PDE10A: variants seen among roughly 807,000 people sequenced by gnomAD.
PDE10A encodes cAMP and cAMP-inhibited cGMP 3',5'-cyclic phosphodiesterase 10A.
PDE10A carries 39 observed loss-of-function variants against 97.7 expected under a neutral mutation model. The ratio of observed to expected loss-of-function variants is 0.40; its 90% CI spans 0.31 to 0.52. The LOEUF (loss-of-function observed/expected upper bound fraction) is 0.52. PDE10A is among the 20% of genes least tolerant of loss of function. The probability of loss-of-function intolerance (pLI) is 0.56; values close to 1 mark genes in which losing one functional copy is unlikely to be tolerated. For synonymous variants in PDE10A, 371 were observed against 376.8 expected (o/e 0.98, Z 0.18); for missense variants, 731 against 1,047.8 (o/e 0.70, Z 4.17).
chr6:165,458,685 TCACACA>T (rs374702289), intron 3 of PDE10A, among the ~76,000 whole-genome samples: 33 of 148,026 alleles, frequency 2.2e-4, no homozygotes, highest in African/African-American at 8.5e-4. Flanking sequence ...ACACACACAC[TCACACA>T]CACACACACG....
At chr6:165,950,930 G>A (rs950301040) in intron 1 of PDE10A, among the ~76,000 whole-genome samples, 2 of 152,188 alleles carry the variant, frequency 1.3e-5, no homozygotes, top group Non-Finnish European at 2.9e-5. Context: ...TAAAGAACAT[G>A]TGTCCTCTTT....
chr6:165,735,100 G>A (rs913660481), intron 1 of PDE10A, among the ~76,000 whole-genome samples: 75 of 151,954 alleles, frequency 4.9e-4, no homozygotes, highest in African/African-American at 1.6e-3. Context: ...AGGTAGATAG[G>A]TAGGCAGGTT....
intron 1 of PDE10A, chr6:165,946,672 T>G (rs939668255): frequency 1.3e-5 from 2 of 152,160 alleles, no homozygotes; most frequent in Admixed American, 1.3e-4. Flanking sequence ...CAAAACATCA[T>G]GTTGCACATA....
chr6:165,427,895 T>C (rs2128236146), intron 10 of PDE10A, among the ~76,000 whole-genome samples: 1 of 152,282 alleles, frequency 6.6e-6, no homozygotes, highest in African/African-American at 2.4e-5. Flanking sequence ...ACATAAAGAA[T>C]GTGCTGAAGT....
At chr6:165,848,450 T>A (rs1780484276) in intron 1 of PDE10A, among the ~76,000 whole-genome samples, 2 of 152,220 alleles carry the variant, frequency 1.3e-5, no homozygotes, top group African/African-American at 4.8e-5. Context: ...AGGCAGCCTT[T>A]GTACAAAGTG....
chr6:165,828,137 G>A (rs1244670393), intron 1 of PDE10A, among the ~76,000 whole-genome samples: 3 of 152,228 alleles, frequency 2.0e-5, no homozygotes, highest in South Asian at 2.1e-4. Flanking sequence ...CCTAACAAGA[G>A]AGAAATAATT....
chr6:165,498,524 G>GA (rs932465252), intron 2 of PDE10A, among the ~76,000 whole-genome samples: 9 of 135,578 alleles, frequency 6.6e-5, no homozygotes, highest in South Asian at 5.3e-4. Flanking sequence ...TCTGAAGTTG[G>GA]AAAAAAAATC....
At chr6:165,578,871 GA>G (rs1362145547) in intron 1 of PDE10A, among the ~76,000 whole-genome samples, 3 of 152,172 alleles carry the variant, frequency 2.0e-5, no homozygotes, top group African/African-American at 7.2e-5. Context: ...ACATCAGTGG[GA>G]TAAGAAGTGT....
At chr6:165,893,757 T>C (rs1781864587) in intron 1 of PDE10A, among the ~76,000 whole-genome samples, 1 of 151,794 alleles carries the variant, frequency 6.6e-6, no homozygotes, top group Non-Finnish European at 1.5e-5. Context: ...AGGTTTTGAG[T>C]GGGATTGAAC....
At chr6:165,787,985 T>C (rs1338400614) in intron 1 of PDE10A, among the ~76,000 whole-genome samples, 1 of 152,228 alleles carries the variant, frequency 6.6e-6, no homozygotes, top group African/African-American at 2.4e-5. Context: ...CACCTTCATG[T>C]TCCTCAATGA....
At chr6:165,340,743 G>C (rs970593645) in intron 19 of PDE10A, among the ~76,000 whole-genome samples, 1 of 152,208 alleles carries the variant, frequency 6.6e-6, no homozygotes, top group Non-Finnish European at 1.5e-5. Flanking sequence ...CATGCTCCAG[G>C]CAGAGACTGC....
chr6:165,420,921 CAAAG>C (rs1246109705), intron 10 of PDE10A, among the ~76,000 whole-genome samples: 8 of 151,926 alleles, frequency 5.3e-5, no homozygotes, highest in South Asian at 2.1e-4. Context: ...TGAAAACTGA[CAAAG>C]AAACTATAAA....
At chr6:165,588,452 G>A (rs1019344743) in intron 1 of PDE10A, among the ~76,000 whole-genome samples, 10 of 151,458 alleles carry the variant, frequency 6.6e-5, no homozygotes, top group Non-Finnish European at 1.0e-4. Context: ...CACCATGCCC[G>A]GCTAATTTTT....
chr6:165,557,087 C>T (rs1784294948), intron 1 of PDE10A, among the ~76,000 whole-genome samples: 1 of 151,984 alleles, frequency 6.6e-6, no homozygotes, highest in African/African-American at 2.4e-5. Context: ...TGCAGTGAGT[C>T]GAGGTCGTGC....
intron 1 of PDE10A, among the ~76,000 whole-genome samples, chr6:165,571,632 G>A (rs1231670299): frequency 1.3e-5 from 2 of 152,158 alleles, no homozygotes; most frequent in Non-Finnish European, 2.9e-5. Flanking sequence ...CCCTTTGGAA[G>A]CATTACACTT....
intron 1 of PDE10A, among the ~76,000 whole-genome samples, chr6:165,577,563 C>A (rs564448590): frequency 5.9e-5 from 9 of 152,208 alleles, no homozygotes; most frequent in African/African-American, 2.2e-4. Context: ...CAAGGAGCTG[C>A]CAATGGGCTT....
At chr6:165,953,035 C>T (rs577243065) in intron 1 of PDE10A, among the ~76,000 whole-genome samples, 22 of 152,154 alleles carry the variant, frequency 1.4e-4, no homozygotes, top group African/African-American at 4.8e-4. Context: ...AATGAAAATC[C>T]GTGTTTGAGC....
intron 1 of PDE10A, among the ~76,000 whole-genome samples, chr6:165,922,230 T>C (rs140270404): frequency 2.4e-4 from 37 of 152,236 alleles, no homozygotes; most frequent in African/African-American, 8.7e-4. Context: ...CCAATATCAT[T>C]GAGTGAGTTT....
At chr6:165,641,714 G>A (rs373016331) in intron 1 of PDE10A, among the ~76,000 whole-genome samples, 4 of 152,182 alleles carry the variant, frequency 2.6e-5, no homozygotes, top group African/African-American at 4.8e-5. Flanking sequence ...TGCACCCACC[G>A]TGTGGTGATT....
Sources: allele counts gnomAD v4.1 joint callset (sites outside exome capture counted in the v4.1 genomes callset), GRCh38; gene constraint gnomAD v4.1.1; transcripts MANE v1.5; gene names NCBI Gene and HGNC (gene_info 2026-07-23, HGNC 2026-07-21).